STAT3: variants seen among roughly 807,000 people sequenced by gnomAD.
The protein encoded by STAT3 is DNA-binding protein APRF.
A neutral mutation model predicts 114.3 loss-of-function variants in STAT3; 7 were observed. That is an observed-to-expected ratio of 0.06 (90% confidence interval 0.03 to 0.11). The LOEUF is 0.11. Ranked by LOEUF, STAT3 falls within the 10% of genes least tolerant of loss-of-function variation. The pLI is 1.00. For missense variants in STAT3, 364 were observed against 960.9 expected (o/e 0.38, Z 8.21); for synonymous variants, 331 against 354.5 (o/e 0.93, Z 0.74).
chr17:42,337,875 A>C lies in STAT3; in HGVS notation c.551-18T>G, dbSNP rs771271632. The stretch of plus-strand genomic sequence containing the variant: ...TTGCATGTCTGCGAAGGAAGAAAAA[A>C]CTCCTTGACCTGAGGGAATACTCCT... On this transcript the variant is annotated intron_variant, in intron 6 of 23. Coordinates refer to ENST00000264657, the MANE Select transcript of STAT3 (RefSeq NM_139276.3). The surrounding 1 kb of genome is among the most constrained non-coding windows in gnomAD (Gnocchi z 4.0). 6 of 1,575,778 alleles carry C rather than the reference A, an allele frequency of 3.8e-6. No homozygotes were observed. The South Asian group carries it at 5.5e-5, about 15-fold the overall frequency.
rs1016658693 is a variant in STAT3, at chr17:42,388,414, C to T, written c.-159G>A. 3.1e-5 allele frequency: 38 copies of T among 1,231,718 alleles called. No individual in the cohort carries two copies. The highest frequency in any genetic ancestry group is 3.1e-4 in the Middle Eastern group (1 of 3,208). 76.3% of individuals were successfully genotyped at this position (1,231,718 alleles called of 1,614,324 possible). On this transcript the variant is annotated 5_prime_UTR_variant, in exon 1 of 24. Transcript: ENST00000264657. ...CAAGCCGGGGTGCCTGTCCAGGATC[C>T]GGTTGGGGCTTGTTCCCTCGGCTGC... is the stretch of plus-strand genomic sequence containing the variant.
intron 1 of STAT3, among the ~76,000 whole-genome samples, chr17:42,384,128 A>ATTTTTTTTTTTTT (rs201020826): frequency 1.2e-5 from 1 of 86,310 alleles, no homozygotes; most frequent in Non-Finnish European, 2.6e-5. Context: ...TTATTTATTT[A>ATTTTTTTTTTTTT]TTTATTTTTT....
chr17:42,364,883 T>C (rs1312592344), intron 1 of STAT3, among the ~76,000 whole-genome samples: 1 of 152,170 alleles, frequency 6.6e-6, no homozygotes, highest in Non-Finnish European at 1.5e-5. Context: ...TTCTCAAATT[T>C]ATTCAGGTCA....
rs755430515 is a variant in STAT3, at chr17:42,346,745, C to T, written c.129-32G>A. 20 of 1,613,926 alleles carry T rather than the reference C, an allele frequency of 1.2e-5. 1 individual carries two copies. Among genetic ancestry groups the T allele is most frequent in the East Asian group, 2.2e-5 (1 of 44,886 alleles). On this transcript the variant is annotated intron_variant, in intron 2 of 23. Transcript: ENST00000264657. The stretch of plus-strand genomic sequence containing the variant: ...AAAGGAAGAATGATAAAGAATGGCT[C>T]TGAAGCCGACGCATACACACAAACA...
At chr17:42,387,324 A>G (rs1184022559) in intron 1 of STAT3, 1 of 152,228 alleles carries the variant, frequency 6.6e-6, no homozygotes, top group African/African-American at 2.4e-5. Flanking sequence ...AAATGCATGT[A>G]AAGTTTGCAC....
At chr17:42,387,948 G>A (rs1192301966) in intron 1 of STAT3, 1 of 253,148 alleles carries the variant, frequency 4.0e-6, no homozygotes, top group Non-Finnish European at 7.4e-6. Flanking sequence ...TGGCCGGAAC[G>A]TCCCCAGGGC....
intron 1 of STAT3, among the ~76,000 whole-genome samples, chr17:42,365,463 A>T (rs1228749895): frequency 6.6e-6 from 1 of 152,166 alleles, no homozygotes; most frequent in Non-Finnish European, 1.5e-5. Flanking sequence ...GGCATCTTCG[A>T]ACATAGTCAA....
At chr17:42,386,050 G>A (rs1046038467) in intron 1 of STAT3, among the ~76,000 whole-genome samples, 10 of 152,144 alleles carry the variant, frequency 6.6e-5, no homozygotes, top group Admixed American at 2.6e-4. Flanking sequence ...GGGAGATAGA[G>A]GTGGGCAAAT....
intron 1 of STAT3, among the ~76,000 whole-genome samples, chr17:42,351,486 C>G (rs537892827): frequency 1.3e-5 from 2 of 152,184 alleles, no homozygotes; most frequent in South Asian, 4.1e-4. Context: ...CTCAGCCTCC[C>G]AATGTGCCAA....
rs17882635 is a variant in STAT3 at position 42,330,854 on chromosome 17, T to C, written c.1109+618A>G. ...ACAATTAAAAAAAAGAGATCTATTC[T>C]TTCCACATGCTATGTATGGAAAGAA... is the stretch of plus-strand genomic sequence containing the variant. On this transcript the variant is annotated intron_variant, in intron 11 of 23. Transcript: ENST00000264657. Among the ~76,000 whole-genome samples, 801 of 152,336 alleles carry C rather than the reference T, an allele frequency of 5.3e-3. 10 individuals are homozygous for C. Among genetic ancestry groups the C allele is most frequent in the African/African-American group, 0.018 (742 of 41,574 alleles).
chr17:42,317,559 C>T (rs1447135585), intron 21 of STAT3: 3 of 425,464 alleles, frequency 7.1e-6, no homozygotes, highest in East Asian at 4.6e-5. Context: ...ACAGCCTCCA[C>T]GTGGTCTGAG....
intron 1 of STAT3, among the ~76,000 whole-genome samples, chr17:42,348,774 C>T (rs1361434620): frequency 2.6e-5 from 4 of 152,152 alleles, no homozygotes; most frequent in Non-Finnish European, 4.4e-5. Flanking sequence ...GATCCTCCCA[C>T]CTTGGCCTCC....
intron 2 of STAT3, among the ~76,000 whole-genome samples, chr17:42,347,608 A>G (rs1199962654): frequency 6.6e-6 from 1 of 152,190 alleles, no homozygotes; most frequent in African/African-American, 2.4e-5. Flanking sequence ...CCCAAATCTC[A>G]TACTGAAATG....
At chr17:42,326,649 G>A (rs1490707955) in intron 14 of STAT3, among the ~76,000 whole-genome samples, 1 of 151,830 alleles carries the variant, frequency 6.6e-6, no homozygotes, top group East Asian at 1.9e-4. Flanking sequence ...GTGAAACCCC[G>A]TTTCTACTAA....
chr17:42,344,257 C>T (rs2082587458), intron 4 of STAT3, among the ~76,000 whole-genome samples: 1 of 151,948 alleles, frequency 6.6e-6, no homozygotes, highest in Admixed American at 6.6e-5. Context: ...CCCATCTCTA[C>T]TAAAAACACA....
At chr17:42,365,742 A>G (rs1454367193) in intron 1 of STAT3, among the ~76,000 whole-genome samples, 4 of 144,530 alleles carry the variant, frequency 2.8e-5, no homozygotes, top group African/African-American at 1.0e-4. Context: ...TGCAACCTCC[A>G]CCTCCCGGGT....
chr17:42,363,194 A>G (rs540705724), intron 1 of STAT3, among the ~76,000 whole-genome samples: 6 of 152,326 alleles, frequency 3.9e-5, no homozygotes, highest in East Asian at 3.9e-4. Context: ...ACTGCGCCCA[A>G]TTAGAAAATA....
At chr17:42,325,209 G>T in intron 15 of STAT3, 148 bp from the exon 16 acceptor site, 1 of 707,556 alleles carries the variant, frequency 1.4e-6, no homozygotes. Flanking sequence ...GTGTGAGTGA[G>T]TCAGCTCAGT....
chr17:42,355,236 T>C (rs529247854), intron 1 of STAT3, among the ~76,000 whole-genome samples: 1 of 152,194 alleles, frequency 6.6e-6, no homozygotes, highest in Non-Finnish European at 1.5e-5. Flanking sequence ...TCTAAGCCTG[T>C]GGGTTTTTAA....
Sources: allele counts gnomAD v4.1 joint callset (sites outside exome capture counted in the v4.1 genomes callset), GRCh38; gene constraint gnomAD v4.1.1; non-coding constraint Gnocchi (gnomAD v3.1); transcripts MANE v1.5; gene names NCBI Gene and HGNC (gene_info 2026-07-23, HGNC 2026-07-21).